GUCY1A2: variants seen among roughly 807,000 people sequenced by gnomAD.
GUCY1A2 encodes the protein guanylate cyclase 1 soluble subunit alpha 2, also known as guanylate cyclase soluble subunit alpha-2.
A neutral mutation model predicts 63.5 loss-of-function variants in GUCY1A2; 27 were observed. The ratio of observed to expected loss-of-function variants is 0.43; its 90% CI spans 0.31 to 0.59. GUCY1A2 has a LOEUF of 0.59. Among genes scored for constraint, GUCY1A2 ranks in the 20% least tolerant of loss-of-function variants. The probability of loss-of-function intolerance (pLI) is 0.11; values close to 1 mark genes in which losing one functional copy is unlikely to be tolerated. For missense variants in GUCY1A2, 768 were observed against 913.3 expected, an observed-to-expected ratio of 0.84 and a Z score of 2.05; for synonymous variants, 364 against 343.5, an observed-to-expected ratio of 1.06 and a Z score of -0.66.
At chr11:106,811,402 G>C (rs1200865304) in intron 4 of GUCY1A2, among the ~76,000 whole-genome samples, 2 of 152,046 alleles carry the variant, frequency 1.3e-5, no homozygotes, top group Non-Finnish European at 1.5e-5. Flanking sequence ...AGCACACCTG[G>C]AGAAAAAGCC....
chr11:106,678,944 T>G lies in GUCY1A2; in HGVS notation c.*8605A>C, dbSNP rs1394486837. ...AAAATCACTTAAATGTAATTCACAA[T>G]TAAGTGTTATCATCAGAGGATAAAA... On this transcript the variant is annotated 3_prime_UTR_variant, in exon 8 of 8. Transcript: ENST00000526355. 1 of 188,976 alleles carries G rather than the reference T, an allele frequency of 5.3e-6. No homozygotes were observed. Among genetic ancestry groups the G allele is most frequent in the Non-Finnish European group, 1.1e-5 (1 of 89,832 alleles). 11.7% of individuals were successfully genotyped at this position (188,976 alleles called of 1,614,324 possible).
At position 106,691,280 on chromosome 11, in the gene GUCY1A2, C is replaced by A. The variant is rs182627133; in HGVS notation, c.1992-3524G>T. Among the ~76,000 whole-genome samples, 156 of 152,208 alleles carry A rather than the reference C, an allele frequency of 1.0e-3. 1 individual carries two copies. The highest frequency in any genetic ancestry group is 3.6e-3 in the African/African-American group (150 of 41,532). On this transcript the variant is annotated intron_variant, in intron 7 of 7. Transcript: ENST00000526355. ...ACAAATTAGCAATACAATGATACAA[C>A]ATCTGATACAATCTAAAGGAAGAAA... is the stretch of plus-strand genomic sequence containing the variant.
chr11:106,879,632 G>C (rs1859797065), intron 4 of GUCY1A2, among the ~76,000 whole-genome samples: 1 of 151,930 alleles, frequency 6.6e-6, no homozygotes, highest in African/African-American at 2.4e-5. Flanking sequence ...GAAAGAGATG[G>C]GCCTAAAACA....
intron 4 of GUCY1A2, among the ~76,000 whole-genome samples, chr11:106,891,148 A>C (rs943915563): frequency 1.3e-5 from 2 of 152,142 alleles, no homozygotes. Flanking sequence ...TAGTATTGTC[A>C]GTCTTTCCAA....
chr11:106,888,396 C>A (rs143779834), intron 4 of GUCY1A2, among the ~76,000 whole-genome samples: 441 of 151,802 alleles, frequency 2.9e-3, no homozygotes, highest in African/African-American at 0.01. Context: ...ACCCAGGAGG[C>A]GGAGCTTGCA....
chr11:106,733,112 T>C (rs997189810), intron 6 of GUCY1A2, among the ~76,000 whole-genome samples: 3 of 152,176 alleles, frequency 2.0e-5, no homozygotes, highest in Non-Finnish European at 2.9e-5. Flanking sequence ...ACCAAACACA[T>C]TGCTGTTCAA....
intron 6 of GUCY1A2, among the ~76,000 whole-genome samples, chr11:106,734,280 A>G (rs1863552547): frequency 6.6e-6 from 1 of 152,086 alleles, no homozygotes; most frequent in Non-Finnish European, 1.5e-5. Flanking sequence ...TCTCTACTTG[A>G]GAGAGAACAG....
intron 4 of GUCY1A2, chr11:106,827,973 C>A: frequency 1.2e-6 from 1 of 804,918 alleles, no homozygotes; most frequent in Non-Finnish European, 2.1e-6. Context: ...AGCCGCGAGG[C>A]GGTCACTTCC....
chr11:106,872,741 A>G (rs1166354493), intron 4 of GUCY1A2, among the ~76,000 whole-genome samples: 1 of 152,222 alleles, frequency 6.6e-6, no homozygotes, highest in Non-Finnish European at 1.5e-5. Context: ...AATTCTTCAG[A>G]ATGGTGCATG....
chr11:106,888,790 T>G (rs1859935488), intron 4 of GUCY1A2, among the ~76,000 whole-genome samples: 1 of 152,246 alleles, frequency 6.6e-6, no homozygotes, highest in Non-Finnish European at 1.5e-5. Flanking sequence ...AAAAGCAATC[T>G]GATTTCCTTT....
chr11:106,945,376 G>GA (rs200855449), intron 3 of GUCY1A2, among the ~76,000 whole-genome samples: 319 of 125,096 alleles, frequency 2.6e-3, no homozygotes, highest in Admixed American at 7.3e-3. Context: ...CTTAGAAAAT[G>GA]AAAAAAAACA....
intron 4 of GUCY1A2, among the ~76,000 whole-genome samples, chr11:106,932,831 G>T (rs1436046985): frequency 1.3e-5 from 2 of 152,044 alleles, no homozygotes; most frequent in African/African-American, 4.8e-5. Context: ...ACAGCCATCT[G>T]ATCTTCAGCA....
At chr11:106,735,454 T>C (rs973597711) in intron 6 of GUCY1A2, among the ~76,000 whole-genome samples, 5 of 152,198 alleles carry the variant, frequency 3.3e-5, no homozygotes, top group Non-Finnish European at 5.9e-5. Context: ...GTTTCATTCA[T>C]GTTGTTGCAA....
intron 3 of GUCY1A2, among the ~76,000 whole-genome samples, chr11:106,969,743 A>G (rs1043361909): frequency 3.3e-5 from 5 of 152,096 alleles, no homozygotes; most frequent in Admixed American, 6.5e-5. Flanking sequence ...AGAAAAAGCA[A>G]TAATAACAAT....
Position 107,017,863 on chromosome 11 carries a change from C to G in GUCY1A2, c.193G>C (p.Ala65Pro). 8.0e-7 allele frequency: 1 copy of G among 1,251,034 alleles called. No individual in the cohort carries two copies. The highest frequency in any genetic ancestry group is 1.0e-6 in the Non-Finnish European group (1 of 996,676). The allele number at this position is 1,251,034 out of a possible 1,614,324, so 77.5% of individuals were successfully genotyped here. Residue 65 changes from alanine to proline, a missense_variant, in exon 1 of 8, where the codon GCT becomes CCT. Ala to Pro is a conservative substitution (Grantham distance 27, BLOSUM62 -1). Transcript: ENST00000526355. Reference sequence around the variant, plus strand: ...GTGGCAGCGGCGGCGGCGGCAGAAGCAGCCGGGGTCGGGGCCGGGGCGGCG... The same window carrying G: ...GTGGCAGCGGCGGCGGCGGCAGAAGGAGCCGGGGTCGGGGCCGGGGCGGCG... ...AAAAPAPTPA[A>P]SAAAAAATAG...
intron 1 of GUCY1A2, among the ~76,000 whole-genome samples, chr11:107,011,578 T>C (rs1489169192): frequency 1.4e-5 from 2 of 145,040 alleles, no homozygotes; most frequent in Non-Finnish European, 3.0e-5. Flanking sequence ...CACATATATA[T>C]TTATAATATA....
intron 6 of GUCY1A2, among the ~76,000 whole-genome samples, chr11:106,732,817 T>C (rs1863527117): frequency 6.6e-6 from 1 of 152,156 alleles, no homozygotes; most frequent in Non-Finnish European, 1.5e-5. Flanking sequence ...CATTTCTTAA[T>C]GGAAGCTGAA....
chr11:106,725,590 T>G (rs11823116), intron 6 of GUCY1A2, among the ~76,000 whole-genome samples: 82,589 of 151,926 alleles, frequency 0.54, 23,857 homozygotes, highest in African/African-American at 0.74. Context: ...TCACGTAAAG[T>G]TATTATCAAA....
intron 1 of GUCY1A2, among the ~76,000 whole-genome samples, chr11:107,011,407 G>C (rs1330255919): frequency 1.3e-5 from 2 of 150,738 alleles, no homozygotes; most frequent in Non-Finnish European, 2.9e-5. Flanking sequence ...GACATAGATG[G>C]GAAAAATATA....
Sources: allele counts gnomAD v4.1 joint callset (sites outside exome capture counted in the v4.1 genomes callset), GRCh38; gene constraint gnomAD v4.1.1; transcripts MANE v1.5; gene names NCBI Gene and HGNC (gene_info 2026-07-23, HGNC 2026-07-21).